H2BC1: variants seen among roughly 807,000 people sequenced by gnomAD.
The protein encoded by H2BC1 is histone H2B type 1-A.
A neutral mutation model predicts 5.4 loss-of-function variants in H2BC1; 5 were observed. That is an observed-to-expected ratio of 0.92 (90% CI 0.48 to 1.94). The LOEUF is 1.94. H2BC1 is among the 30% of genes most tolerant of loss of function. The pLI is 0.01. For missense variants in H2BC1, 210 were observed against 159.1 expected (o/e 1.32, Z -1.72); for synonymous variants, 131 against 58.2 (o/e 2.25, Z -5.69).
Position 25,726,894 on chromosome 6 carries a change from A to C in H2BC1, c.-15A>C. 6.2e-7 allele frequency: 1 copy of C among 1,605,826 alleles called. No individual in the cohort carries two copies. The highest frequency in any genetic ancestry group is 8.5e-7 in the Non-Finnish European group (1 of 1,176,418). On this transcript the variant is annotated 5_prime_UTR_variant, in exon 1 of 1. Coordinates refer to ENST00000274764, the MANE Select transcript of H2BC1 (RefSeq NM_170610.3). ...GGAAAAGAACCGTGTAACGCTGCAG[A>C]AGTGTGTGGTAGCTATGCCGGAGGT...
In H2BC1 at chr6:25,726,879, C is replaced by G. The variant is rs200445507; in HGVS notation, c.-30C>G. 1 of 1,582,592 alleles carries G rather than the reference C, an allele frequency of 6.3e-7. No individual in the cohort carries two copies. The highest frequency in any genetic ancestry group is 8.6e-7 in the Non-Finnish European group (1 of 1,166,634). On this transcript the variant is annotated 5_prime_UTR_variant, in exon 1 of 1. Coordinates refer to ENST00000274764, the MANE Select transcript of H2BC1 (RefSeq NM_170610.3). ...GTGCTGTGTAACCCTGGAAAAGAACCGTGTAACGCTGCAGAAGTGTGTGGT... is the reference window on the plus strand; with the variant it reads ...GTGCTGTGTAACCCTGGAAAAGAACGGTGTAACGCTGCAGAAGTGTGTGGT...
chr6:25,726,913 C>CT lies in H2BC1; in HGVS notation c.5_6insT (p.Glu3GlyfsTer5), dbSNP rs868401876. ...CTGCAGAAGTGTGTGGTAGCTATGC[C>CT]GGAGGTGTCATCTAAAGGTGCTACC... On this transcript the variant is annotated frameshift_variant, in exon 1 of 1. Coordinates refer to ENST00000274764, the MANE Select transcript of H2BC1 (RefSeq NM_170610.3). LOFTEE classifies it low-confidence loss of function (END_TRUNC). 2 of 1,611,118 alleles carry CT rather than the reference C, an allele frequency of 1.2e-6. No homozygotes were observed. The highest frequency in any genetic ancestry group is 2.7e-5 in the African/African-American group (2 of 74,744).
At position 25,726,998 on chromosome 6, in the gene H2BC1, G is replaced by C. The variant is rs746722179; in HGVS notation, c.90G>C (p.Lys30Asn). The C allele has an allele frequency of 1.9e-6, 3 of 1,614,212 alleles. No homozygotes were observed. The highest frequency in any genetic ancestry group is 4.5e-5 in the East Asian group (2 of 44,888). The change falls in exon 1 of 1, where the codon AAG (lysine) becomes AAC (asparagine). Residue 30 changes from lysine to asparagine, a missense_variant. By Grantham distance (94) the Lys-to-Asn change is moderately conservative. Transcript: ENST00000274764. ...VVKTQKKEGK[K>N]RKRTRKESYS... Reference sequence around the variant, plus strand: ...AGACCCAGAAAAAGGAAGGCAAAAAGCGCAAGAGGACCCGTAAGGAGAGTT... The same window carrying C: ...AGACCCAGAAAAAGGAAGGCAAAAACCGCAAGAGGACCCGTAAGGAGAGTT...
In H2BC1 at chr6:25,726,968, C is replaced by T. The variant is rs148797912; in HGVS notation, c.60C>T (p.Val20=). The part of the protein sequence containing the change: ...TISKKGFKKA[V]VKTQKKEGKK... ...CCAAGAAGGGCTTTAAGAAAGCTGT[C>T]GTTAAGACCCAGAAAAAGGAAGGCA... The change falls in exon 1 of 1, where the codon GTC becomes GTT. Residue 20 remains valine, a synonymous_variant. Transcript: ENST00000274764. 1.0e-4 allele frequency: 168 copies of T among 1,613,974 alleles called. No homozygotes were observed. The African/African-American group carries it at 1.8e-3, about 17-fold the overall frequency.
In H2BC1 at chr6:25,727,253, G is replaced by A. The variant is rs776960669; in HGVS notation, c.345G>A (p.Glu115=). 8 of 1,611,920 alleles carry A rather than the reference G, an allele frequency of 5.0e-6. No homozygotes were observed. In the African/African-American group the frequency reaches 5.3e-5, roughly 11 times the overall value. ...PGELAKHAVS[E]GTKAVTKYTS... ...AGCTGGCTAAACATGCTGTGTCTGA[G>A]GGCACCAAGGCTGTCACTAAGTACA... Residue 115 remains glutamate (E), a synonymous_variant, in exon 1 of 1, where the codon GAG becomes GAA. Coordinates refer to ENST00000274764, the MANE Select transcript of H2BC1 (RefSeq NM_170610.3).
In H2BC1 at chr6:25,727,336, G is replaced by A; in HGVS notation, c.*44G>A. ...ATTTCTAACCCAAAGGCTCTTTTCA[G>A]AGCCACTTAAACATACTGAAACAGC... On this transcript the variant is annotated 3_prime_UTR_variant, in exon 1 of 1. Transcript: ENST00000274764. The A allele has an allele frequency of 1.3e-6, 2 of 1,524,550 alleles. No homozygotes were observed. The highest frequency in any genetic ancestry group is 1.8e-6 in the Non-Finnish European group (2 of 1,133,670). The allele number at this position is 1,524,550 out of a possible 1,614,324, so 94.4% of individuals were successfully genotyped here.
At position 25,726,887 on chromosome 6, in the gene H2BC1, G is replaced by C. The variant is rs575485116; in HGVS notation, c.-22G>C. On this transcript the variant is annotated 5_prime_UTR_variant, in exon 1 of 1. Coordinates refer to ENST00000274764, the MANE Select transcript of H2BC1 (RefSeq NM_170610.3). ...TAACCCTGGAAAAGAACCGTGTAACGCTGCAGAAGTGTGTGGTAGCTATGC... is the reference window on the plus strand; with the variant it reads ...TAACCCTGGAAAAGAACCGTGTAACCCTGCAGAAGTGTGTGGTAGCTATGC... 2.5e-6 allele frequency: 4 copies of C among 1,598,596 alleles called. No homozygotes were observed. Among genetic ancestry groups the C allele is most frequent in the Admixed American group, 1.7e-5 (1 of 58,346 alleles).
chr6:25,726,908 T>C lies in H2BC1; in HGVS notation c.-1T>C. On this transcript the variant is annotated 5_prime_UTR_variant, in exon 1 of 1. Coordinates refer to ENST00000274764, the MANE Select transcript of H2BC1 (RefSeq NM_170610.3). The stretch of plus-strand genomic sequence containing the variant: ...TAACGCTGCAGAAGTGTGTGGTAGC[T>C]ATGCCGGAGGTGTCATCTAAAGGTG... 6.2e-7 allele frequency: 1 copy of C among 1,610,354 alleles called. No individual in the cohort carries two copies. Among genetic ancestry groups the C allele is most frequent in the Non-Finnish European group, 8.5e-7 (1 of 1,178,396 alleles).
At position 25,727,214 on chromosome 6, in the gene H2BC1, G is replaced by A. The variant is rs1760293178; in HGVS notation, c.306G>A (p.Leu102=). The A allele has an allele frequency of 2.5e-6, 4 of 1,613,930 alleles. No homozygotes were observed. Among genetic ancestry groups the A allele is most frequent in the Non-Finnish European group, 8.5e-7 (1 of 1,179,956 alleles). The change falls in exon 1 of 1, where the codon TTG becomes TTA. Residue 102 remains leucine, a synonymous_variant. Coordinates refer to ENST00000274764, the MANE Select transcript of H2BC1 (RefSeq NM_170610.3). ...GAGAGATTCAGACAGCAGTGCGCTT[G>A]CTACTGCCGGGAGAGCTGGCTAAAC... is the stretch of plus-strand genomic sequence containing the variant. The part of the protein sequence containing the change: ...SSREIQTAVR[L]LLPGELAKHA...
rs754379611 is a variant in H2BC1, at chr6:25,727,078, C to T, written c.170C>T (p.Ser57Phe). ...LKQVHPDTGI[S>F]SKAMSIMNSF... ...CAGGTCCATCCGGACACTGGCATCT[C>T]TTCGAAAGCTATGAGCATTATGAAT... The change falls in exon 1 of 1, where the codon TCT becomes TTT. Residue 57 changes from serine (S) to phenylalanine (F), a missense_variant. Physicochemically the swap from Ser to Phe is radical, Grantham distance 155 (BLOSUM62 -2). Transcript: ENST00000274764. The T allele has an allele frequency of 1.3e-5, 21 of 1,614,132 alleles. No homozygotes were observed. Among genetic ancestry groups the T allele is most frequent in the Admixed American group, 3.3e-5 (2 of 60,014 alleles).
rs776802897 is a variant in H2BC1, at chr6:25,727,172, C to G, written c.264C>G (p.Arg88=). 9 of 1,614,184 alleles carry G rather than the reference C, an allele frequency of 5.6e-6. No homozygotes were observed. Among genetic ancestry groups the G allele is most frequent in the Non-Finnish European group, 7.6e-6 (9 of 1,180,030 alleles). Residue 88 remains arginine (R), a synonymous_variant, in exon 1 of 1, where the codon CGC becomes CGG. Transcript: ENST00000274764. ...EASRLAHYSK[R]STISSREIQT... is the part of the protein sequence containing the mutation. ...CACGTTTGGCTCACTACAGCAAGCG[C>G]TCCACCATTTCTTCCAGAGAGATTC...
Position 25,727,220 on chromosome 6 carries a change from G to A in H2BC1, c.312G>A (p.Leu104=), listed in dbSNP as rs16890972. The part of the protein sequence containing the change: ...REIQTAVRLL[L]PGELAKHAVS... ...TTCAGACAGCAGTGCGCTTGCTACTGCCGGGAGAGCTGGCTAAACATGCTG... is the reference window on the plus strand; with the variant it reads ...TTCAGACAGCAGTGCGCTTGCTACTACCGGGAGAGCTGGCTAAACATGCTG... Residue 104 remains leucine, a synonymous_variant, in exon 1 of 1, where the codon CTG becomes CTA. Transcript: ENST00000274764. 18,540 of 1,613,970 alleles carry A rather than the reference G, an allele frequency of 0.011. 428 individuals are homozygous for A. The highest frequency in any genetic ancestry group is 0.094 in the African/African-American group (7,064 of 74,996).
In H2BC1 at chr6:25,726,998, G is replaced by A. The variant is rs746722179; in HGVS notation, c.90G>A (p.Lys30=). ...AGACCCAGAAAAAGGAAGGCAAAAA[G>A]CGCAAGAGGACCCGTAAGGAGAGTT... is the stretch of plus-strand genomic sequence containing the variant. ...VVKTQKKEGK[K]RKRTRKESYS... The change falls in exon 1 of 1, where the codon AAG becomes AAA. Residue 30 remains lysine (K), a synonymous_variant. Coordinates refer to ENST00000274764, the MANE Select transcript of H2BC1 (RefSeq NM_170610.3). The A allele has an allele frequency of 1.2e-6, 2 of 1,614,212 alleles. No individual in the cohort carries two copies. Among genetic ancestry groups the A allele is most frequent in the African/African-American group, 2.7e-5 (2 of 75,052 alleles).
rs199713081 is a variant in H2BC1 at position 25,726,867 on chromosome 6, C to T, written c.-42C>T. 130 of 1,572,358 alleles carry T rather than the reference C, an allele frequency of 8.3e-5. No homozygotes were observed. Among genetic ancestry groups the T allele is most frequent in the Admixed American group, 1.8e-4 (10 of 54,466 alleles). ...GAGCACTGGAAAGTGCTGTGTAACC[C>T]TGGAAAAGAACCGTGTAACGCTGCA... On this transcript the variant is annotated 5_prime_UTR_variant, in exon 1 of 1. Coordinates refer to ENST00000274764, the MANE Select transcript of H2BC1 (RefSeq NM_170610.3).
rs1760265970 is a variant in H2BC1, at chr6:25,726,813, T to G, written c.-96T>G. The G allele has an allele frequency of 7.1e-7, 1 of 1,408,166 alleles. No individual in the cohort carries two copies. Among genetic ancestry groups the G allele is most frequent in the African/African-American group, 1.4e-5 (1 of 69,696 alleles). 87.2% of individuals were successfully genotyped at this position (1,408,166 alleles called of 1,614,324 possible). On this transcript the variant is annotated 5_prime_UTR_variant, in exon 1 of 1. It adds an upstream start codon to the 5' untranslated region. Coordinates refer to ENST00000274764, the MANE Select transcript of H2BC1 (RefSeq NM_170610.3). ...TGGCGAGACTTGGAGCTGAGGTCAT[T>G]TGGAGCTGTTTAATACTGAAGAGCT...
rs2151390654 is a variant in H2BC1, at chr6:25,727,298, CTAA to C, written c.*7_*9del. 1 of 1,581,042 alleles carries C rather than the reference CTAA, an allele frequency of 6.3e-7. No individual in the cohort carries two copies. The highest frequency in any genetic ancestry group is 2.3e-5 in the East Asian group (1 of 44,444). On this transcript the variant is annotated 3_prime_UTR_variant, in exon 1 of 1. Transcript: ENST00000274764. ...AGTACACCAGCTCCAAGTAAGCCTG[CTAA>C]GTAAACGTCATTTCTAACCCAAAGG...
In H2BC1 at chr6:25,726,930, G is replaced by C. The variant is rs141897280; in HGVS notation, c.22G>C (p.Gly8Arg). 9 of 1,613,534 alleles carry C rather than the reference G, an allele frequency of 5.6e-6. No homozygotes were observed. Among genetic ancestry groups the C allele is most frequent in the Non-Finnish European group, 7.6e-6 (9 of 1,179,836 alleles). ...AGCTATGCCGGAGGTGTCATCTAAAGGTGCTACCATTTCCAAGAAGGGCTT... is the reference window on the plus strand; with the variant it reads ...AGCTATGCCGGAGGTGTCATCTAAACGTGCTACCATTTCCAAGAAGGGCTT... MPEVSSKGATISKKGFKK... is the reference protein window; with the variant it reads MPEVSSKRATISKKGFKK... Residue 8 changes from glycine (G) to arginine (R), a missense_variant, in exon 1 of 1, where the codon GGT (glycine) becomes CGT (arginine). Transcript: ENST00000274764.
At position 25,726,987 on chromosome 6, in the gene H2BC1, G is replaced by T. The variant is rs766065718; in HGVS notation, c.79G>T (p.Glu27Ter). 1.4e-5 allele frequency: 22 copies of T among 1,614,038 alleles called. No homozygotes were observed. Among genetic ancestry groups the T allele is most frequent in the South Asian group, 1.1e-5 (1 of 91,086 alleles). ...KKAVVKTQKK[E>*]GKKRKRTRKE... ...AGCTGTCGTTAAGACCCAGAAAAAG[G>T]AAGGCAAAAAGCGCAAGAGGACCCG... Residue 27 changes from glutamate (E) to a stop codon, truncating the protein, a stop_gained, in exon 1 of 1, where the codon GAA (glutamate) becomes TAA (stop). Transcript: ENST00000274764. LOFTEE classifies it high-confidence loss of function.
rs1279249749 is a variant in H2BC1 at position 25,726,938 on chromosome 6, C to A, written c.30C>A (p.Thr10=). The change falls in exon 1 of 1, where the codon ACC becomes ACA. Residue 10 remains threonine, a synonymous_variant. Coordinates refer to ENST00000274764, the MANE Select transcript of H2BC1 (RefSeq NM_170610.3). ...CGGAGGTGTCATCTAAAGGTGCTAC[C>A]ATTTCCAAGAAGGGCTTTAAGAAAG... MPEVSSKGA[T]ISKKGFKKAV... is the part of the protein sequence containing the mutation. The A allele has an allele frequency of 6.2e-7, 1 of 1,613,726 alleles. No homozygotes were observed. The highest frequency in any genetic ancestry group is 1.3e-5 in the African/African-American group (1 of 74,984).
Sources: gnomAD v4.1 joint callset for allele counts on GRCh38, gnomAD v4.1.1 for gene constraint, MANE v1.5 for transcripts, NCBI Gene and HGNC (gene_info 2026-07-23, HGNC 2026-07-21) for gene names.